The following APC variants were observed in gnomAD, a reference collection of about 807,000 sequenced individuals.
APC encodes the protein adenomatous polyposis coli protein.
APC carries 72 observed loss-of-function variants against 247.0 expected under a neutral mutation model. That is an observed-to-expected ratio of 0.29 (90% CI 0.24 to 0.35). The LOEUF (loss-of-function observed/expected upper bound fraction) is 0.35, where lower values mean the gene tolerates loss of function less well. Among genes scored for constraint, APC ranks in the 10% least tolerant of loss-of-function variants. The pLI, the probability that APC is intolerant of heterozygous loss-of-function variation, is 1.00. For missense variants in APC, 3,400 were observed against 3,360.7 expected, an observed-to-expected ratio of 1.01 and a Z score of -0.29; for synonymous variants, 1,254 against 1,162.5, an observed-to-expected ratio of 1.08 and a Z score of -1.60.
intron 8 of APC, among the ~76,000 whole-genome samples, chr5:112,803,788 C>A (rs1398086590): frequency 6.6e-6 from 1 of 152,182 alleles, no homozygotes; most frequent in African/African-American, 2.4e-5. Context: ...TGATAAATTA[C>A]ATCTCTATTT....
intron 6 of APC, among the ~76,000 whole-genome samples, chr5:112,787,076 C>T (rs1262005251): frequency 2.6e-5 from 4 of 151,868 alleles, no homozygotes; most frequent in East Asian, 3.9e-4. Context: ...TTAGTAGAGA[C>T]GGGGTTTCAC....
In APC at chr5:112,840,721, C is replaced by T; in HGVS notation, c.5127C>T (p.Thr1709=). The part of the protein sequence containing the change: ...EAQGGKTSSV[T]IPELDDNKAE... ...AAGGAGGAAAAACCTCATCTGTAAC[C>T]ATACCTGAATTGGATGACAATAAAG... is the stretch of plus-strand genomic sequence containing the variant. Residue 1709 remains threonine (T), a synonymous_variant, in exon 16 of 16, where the codon ACC becomes ACT. Transcript: ENST00000257430. The surrounding 1 kb of genome is among the most constrained non-coding windows in gnomAD (Gnocchi z 4.1). 6.2e-7 allele frequency: 1 copy of T among 1,614,076 alleles called. No homozygotes were observed. Among genetic ancestry groups the T allele is most frequent in the South Asian group, 1.1e-5 (1 of 91,062 alleles).
rs557225876 is a variant in APC at position 112,790,591 on chromosome 5, A to G, written c.646-1855A>G. On this transcript the variant is annotated intron_variant, in intron 6 of 15. Coordinates refer to ENST00000257430, the MANE Select transcript of APC (RefSeq NM_000038.6). ...TGATCCATCTGCCTCGGCCTCCTGA[A>G]GTGCTGGGATTGCAGGCGTGAGCCA... is the stretch of plus-strand genomic sequence containing the variant. 2.0e-5 allele frequency among the ~76,000 whole-genome samples: 3 copies of G among 152,188 alleles called. No individual in the cohort carries two copies. In the South Asian group the frequency reaches 6.2e-4, roughly 32 times the overall value.
intron 6 of APC, among the ~76,000 whole-genome samples, chr5:112,786,604 A>G (rs943076675): frequency 6.6e-6 from 1 of 152,200 alleles, no homozygotes; most frequent in Non-Finnish European, 1.5e-5. Flanking sequence ...GCCATAATTG[A>G]TGATACTGTT....
intron 1 of APC, among the ~76,000 whole-genome samples, chr5:112,721,056 T>G (rs1419822848): frequency 6.6e-6 from 1 of 151,788 alleles, no homozygotes; most frequent in Non-Finnish European, 1.5e-5. Flanking sequence ...GTAAGTAAGG[T>G]GAGGGAATGT....
rs1580564828 is a variant in APC at position 112,827,156 on chromosome 5, A to G, written c.1457A>G (p.Tyr486Cys). ...TTATTGCAAGTGGACTGTGAAATGTATGGGCTTACTAATGACCACTACAGT... is the reference window on the plus strand; with the variant it reads ...TTATTGCAAGTGGACTGTGAAATGTGTGGGCTTACTAATGACCACTACAGT... ...AELLQVDCEM[Y>C]GLTNDHYSIT... is the part of the protein sequence containing the mutation. The change falls in exon 12 of 16, where the codon TAT becomes TGT. Residue 486 changes from tyrosine (Y) to cysteine (C), a missense_variant. Physicochemically the swap from Tyr to Cys is radical, Grantham distance 194. This residue lies in a region of APC where 199 missense variants were observed against 212.5 expected (regional missense o/e 0.94). Coordinates refer to ENST00000257430, the MANE Select transcript of APC (RefSeq NM_000038.6). The G allele has an allele frequency of 6.2e-7, 1 of 1,613,758 alleles. No homozygotes were observed. The highest frequency in any genetic ancestry group is 1.1e-5 in the South Asian group (1 of 91,078).
At chr5:112,751,981 T>A (rs1239538747) in intron 1 of APC, among the ~76,000 whole-genome samples, 2 of 152,096 alleles carry the variant, frequency 1.3e-5, no homozygotes, top group Non-Finnish European at 2.9e-5. Context: ...CATGAACATA[T>A]GATTTTTTCC....
intron 1 of APC, among the ~76,000 whole-genome samples, chr5:112,740,384 G>C (rs1752854117): frequency 6.6e-6 from 1 of 151,990 alleles, no homozygotes; most frequent in Non-Finnish European, 1.5e-5. Context: ...TGACCTATTG[G>C]CTTTAGTGGT....
chr5:112,840,446 C>G lies in APC; in HGVS notation c.4852C>G (p.Leu1618Val), dbSNP rs1554086245. The change falls in exon 16 of 16, where the codon CTA becomes GTA. Residue 1618 changes from leucine to valine, a missense_variant. Coordinates refer to ENST00000257430, the MANE Select transcript of APC (RefSeq NM_000038.6). This position sits in a 1 kb window ranked among gnomAD's most constrained non-coding sequence, Gnocchi z 4.1. The stretch of plus-strand genomic sequence containing the variant: ...AAGTCAGCTGCCTGTGTACAAACTT[C>G]TACCATCACAAAACAGGTTGCAACC... ...KPSQLPVYKL[L>V]PSQNRLQPQK... 1.2e-6 allele frequency: 2 copies of G among 1,614,232 alleles called. No homozygotes were observed.
At chr5:112,735,653 A>C (rs1209869429), upstream of APC, among the ~76,000 whole-genome samples, 1 of 152,048 alleles carries the variant, frequency 6.6e-6, no homozygotes, top group African/African-American at 2.4e-5. Flanking sequence ...GTATACTTTG[A>C]TTATATATCT....
At chr5:112,792,384 GATT>G (rs1759718707) in intron 6 of APC, 59 bp from the exon 7 acceptor site, 1 of 1,132,596 alleles carries the variant, frequency 8.8e-7, no homozygotes, top group African/African-American at 1.6e-5. Flanking sequence ...GCCATAGTAT[GATT>G]ATTTCTATTA....
In APC at chr5:112,842,903, T is replaced by G. The variant is rs2149984091; in HGVS notation, c.7309T>G (p.Leu2437Val). Residue 2437 changes from leucine to valine, a missense_variant, in exon 16 of 16, where the codon TTA (leucine) becomes GTA (valine). Leu to Val is a conservative substitution (Grantham distance 32). This residue lies in a region of APC where 1,788 missense variants were observed against 1,649.5 expected (regional missense o/e 1.08). Transcript: ENST00000257430. ...SESDRSERPV[L>V]VRQSTFIKEA... Reference sequence around the variant, plus strand: ...ATCTGATAGATCAGAAAGACCTGTATTAGTACGCCAGTCAACTTTCATCAA... The same window carrying G: ...ATCTGATAGATCAGAAAGACCTGTAGTAGTACGCCAGTCAACTTTCATCAA... 6.2e-7 allele frequency: 1 copy of G among 1,614,060 alleles called. No individual in the cohort carries two copies.
intron 15 of APC, among the ~76,000 whole-genome samples, chr5:112,836,101 A>G (rs1332602330): frequency 8.4e-6 from 1 of 119,748 alleles, no homozygotes; most frequent in African/African-American, 3.3e-5. Context: ...GCTCACTGCA[A>G]CCTCTGCCTT....
rs537828919 is a variant in APC, at chr5:112,793,059, T to C, written c.729+530T>C. ...TAGGAATGAAAAGTCATGAAGCAAC[T>C]AGATACCTCTGGGTGTGAGAGTAAA... On this transcript the variant is annotated intron_variant, in intron 7 of 15. Coordinates refer to ENST00000257430, the MANE Select transcript of APC (RefSeq NM_000038.6). 2.0e-5 allele frequency among the ~76,000 whole-genome samples: 3 copies of C among 152,088 alleles called. No homozygotes were observed. The East Asian group carries it at 5.8e-4, about 29-fold the overall frequency.
At chr5:112,812,526 C>T (rs1054172465) in intron 8 of APC, among the ~76,000 whole-genome samples, 16 of 152,160 alleles carry the variant, frequency 1.1e-4, no homozygotes, top group Non-Finnish European at 1.9e-4. Flanking sequence ...TCTTCTGACC[C>T]TTGCTTATGC....
upstream of APC, among the ~76,000 whole-genome samples, chr5:112,734,264 A>T (rs1752251756): frequency 6.6e-6 from 1 of 152,204 alleles, no homozygotes; most frequent in African/African-American, 2.4e-5. Flanking sequence ...CACGTGGGTC[A>T]AGATCTCCCA....
intron 1 of APC, among the ~76,000 whole-genome samples, chr5:112,723,724 T>C (rs1465196416): frequency 6.6e-6 from 1 of 152,218 alleles, no homozygotes; most frequent in African/African-American, 2.4e-5. Context: ...ATGTGTAACA[T>C]TGAATAATGC....
In APC at chr5:112,840,337, T is replaced by G; in HGVS notation, c.4743T>G (p.Ser1581=). Residue 1581 remains serine (S), a synonymous_variant, in exon 16 of 16, where the codon TCT becomes TCG. Coordinates refer to ENST00000257430, the MANE Select transcript of APC (RefSeq NM_000038.6). The surrounding 1 kb of genome is among the most constrained non-coding windows in gnomAD (Gnocchi z 4.1). ...AAATACTAGAAGAATGTATTATTTC[T>G]GCCATGCCAACAAAGTCATCACGTA... ...DIEILEECII[S]AMPTKSSRKA... is the part of the protein sequence containing the mutation. 1 of 1,614,230 alleles carries G rather than the reference T, an allele frequency of 6.2e-7. No individual in the cohort carries two copies. The highest frequency in any genetic ancestry group is 1.1e-5 in the South Asian group (1 of 91,084).
At chr5:112,725,852 G>T (rs1261243153) in intron 1 of APC, among the ~76,000 whole-genome samples, 1 of 152,210 alleles carries the variant, frequency 6.6e-6, no homozygotes, top group Non-Finnish European at 1.5e-5. Context: ...GAATTAAATA[G>T]CAGACCTTCT....
Sources: allele counts gnomAD v4.1 joint callset (sites outside exome capture counted in the v4.1 genomes callset), GRCh38; gene constraint gnomAD v4.1.1; regional missense constraint gnomAD v4.1.1; non-coding constraint Gnocchi (gnomAD v3.1); transcripts MANE v1.5; gene names NCBI Gene and HGNC (gene_info 2026-07-23, HGNC 2026-07-21).